Variants in PRKCI observed in about 807,000 individuals in gnomAD.
PRKCI encodes the protein protein kinase C iota type.
A neutral mutation model predicts 84.0 loss-of-function variants in PRKCI; 43 were observed. The observed-to-expected ratio is 0.51, with a 90% CI of 0.40 to 0.66. The LOEUF is 0.66. PRKCI is among the 30% of genes least tolerant of loss of function. The probability of loss-of-function intolerance (pLI) is 0.00; values close to 1 mark genes in which losing one functional copy is unlikely to be tolerated. For synonymous variants in PRKCI, 216 were observed against 234.4 expected (o/e 0.92, Z 0.72); for missense variants, 459 against 745.6 (o/e 0.62, Z 4.48).
intron 2 of PRKCI, among the ~76,000 whole-genome samples, chr3:170,255,659 T>C (rs1733567828): frequency 6.6e-6 from 1 of 152,188 alleles, no homozygotes; most frequent in Non-Finnish European, 1.5e-5. Flanking sequence ...CTTTCTCTTG[T>C]CTCATTGCTC....
intron 4 of PRKCI, 91 bp from the exon 5 acceptor site, chr3:170,267,824 A>T: frequency 1.2e-6 from 1 of 832,140 alleles, no homozygotes; most frequent in South Asian, 2.1e-5. Context: ...TCTTGCAGTG[A>T]GTATCATGAA....
Position 170,267,932 on chromosome 3 carries a change from G to A in PRKCI, c.382G>A (p.Gly128Ser). Residue 128 changes from glycine (G) to serine (S), a missense_variant, in exon 5 of 18, where the codon GGT (glycine) becomes AGT (serine). Coordinates refer to ENST00000295797, the MANE Select transcript of PRKCI (RefSeq NM_002740.6). The stretch of plus-strand genomic sequence containing the variant: ...GTCTTCAGAATCCATCTACCGTAGA[G>A]GTGCACGCCGCTGGAGAAAGCTTTA... ...PGEDKSIYRR[G>S]ARRWRKLYCA... The A allele has an allele frequency of 6.2e-7, 1 of 1,610,816 alleles. No homozygotes were observed. The highest frequency in any genetic ancestry group is 8.5e-7 in the Non-Finnish European group (1 of 1,178,276).
At chr3:170,228,896 C>G (rs1732710464) in intron 1 of PRKCI, among the ~76,000 whole-genome samples, 1 of 152,066 alleles carries the variant, frequency 6.6e-6, no homozygotes, top group Non-Finnish European at 1.5e-5. Flanking sequence ...TTTGTAGTCT[C>G]CAATGTCTAC....
At chr3:170,252,841 G>A (rs1733488978) in intron 2 of PRKCI, among the ~76,000 whole-genome samples, 1 of 151,970 alleles carries the variant, frequency 6.6e-6, no homozygotes, top group African/African-American at 2.4e-5. Context: ...TACTCATTCT[G>A]TGTGAGTATA....
At chr3:170,241,146 G>A (rs564938874) in intron 2 of PRKCI, among the ~76,000 whole-genome samples, 2 of 152,148 alleles carry the variant, frequency 1.3e-5, no homozygotes, top group East Asian at 3.9e-4. Context: ...AAAAATCAGG[G>A]TAATTAACAC....
intron 8 of PRKCI, among the ~76,000 whole-genome samples, chr3:170,279,067 A>G (rs1355605926): frequency 1.3e-5 from 2 of 152,178 alleles, no homozygotes; most frequent in Non-Finnish European, 2.9e-5. Flanking sequence ...TCACTTTGTG[A>G]TGCAGGCTGG....
At chr3:170,283,002 G>T (rs1734290299) in intron 11 of PRKCI, among the ~76,000 whole-genome samples, 1 of 151,382 alleles carries the variant, frequency 6.6e-6, no homozygotes, top group Non-Finnish European at 1.5e-5. Context: ...CTACTTGGGA[G>T]GCTGAATTAG....
chr3:170,238,486 A>G (rs979704374), intron 2 of PRKCI, among the ~76,000 whole-genome samples: 1 of 149,298 alleles, frequency 6.7e-6, no homozygotes, highest in Non-Finnish European at 1.5e-5. Context: ...TTAGTACTGC[A>G]TAGTATTACA....
rs1732516016 is a variant in PRKCI, at chr3:170,222,620, G to A, written c.-50G>A. On this transcript the variant is annotated 5_prime_UTR_variant, in exon 1 of 18. Transcript: ENST00000295797. The stretch of plus-strand genomic sequence containing the variant: ...GGCGGAGTCCCCCACGGCGCCCGAA[G>A]CGCCCCCCCGCACCCCCGGCCTCCA... The A allele has an allele frequency of 6.8e-7, 1 of 1,480,684 alleles. No homozygotes were observed. Among genetic ancestry groups the A allele is most frequent in the East Asian group, 2.8e-5 (1 of 36,004 alleles). 91.7% of individuals were successfully genotyped at this position (1,480,684 alleles called of 1,614,324 possible).
intron 2 of PRKCI, among the ~76,000 whole-genome samples, chr3:170,258,436 G>C (rs1436745110): frequency 3.3e-5 from 5 of 151,956 alleles, no homozygotes. Context: ...CTCCCGAGTA[G>C]CTGGGACTGC....
chr3:170,286,532 T>G (rs1345549305), intron 12 of PRKCI, among the ~76,000 whole-genome samples: 1 of 144,348 alleles, frequency 6.9e-6, no homozygotes, highest in Non-Finnish European at 1.5e-5. Context: ...GGTTTTAAAG[T>G]TAGAATAGCC....
intron 6 of PRKCI, 116 bp from the exon 7 acceptor site, chr3:170,273,170 T>G: frequency 1.2e-6 from 1 of 809,566 alleles, no homozygotes; most frequent in Non-Finnish European, 2.0e-6. Context: ...AATTCTCACT[T>G]AAGTTATATT....
At position 170,267,827 on chromosome 3, in the gene PRKCI, A is replaced by G. The variant is rs1733901935; in HGVS notation, c.365-88A>G. 17 of 912,734 alleles carry G rather than the reference A, an allele frequency of 1.9e-5. No homozygotes were observed. In the South Asian group the frequency reaches 3.4e-4, roughly 18 times the overall value. 56.5% of individuals were successfully genotyped at this position (912,734 alleles called of 1,614,324 possible). A position where few individuals can be genotyped will look rare whatever the true frequency, so the allele number is the denominator to read the frequency against. On this transcript the variant is annotated intron_variant, in intron 4 of 17. Transcript: ENST00000295797. ...AGTATTTTTTTTTCTTGCAGTGAGTATCATGAAAAAATTACAGACTTAATT... is the reference window on the plus strand; with the variant it reads ...AGTATTTTTTTTTCTTGCAGTGAGTGTCATGAAAAAATTACAGACTTAATT...
At chr3:170,222,973 T>C (rs1433196415) in intron 1 of PRKCI, among the ~76,000 whole-genome samples, 1 of 151,498 alleles carries the variant, frequency 6.6e-6, no homozygotes, top group East Asian at 1.9e-4. Context: ...CCCCCAGGTA[T>C]GGCGGTGCGG....
intron 1 of PRKCI, among the ~76,000 whole-genome samples, chr3:170,224,200 A>G (rs1282560065): frequency 6.6e-6 from 1 of 151,390 alleles, no homozygotes; most frequent in Non-Finnish European, 1.5e-5. Context: ...AGGACTTTTA[A>G]ATTTGCTGCC....
intron 12 of PRKCI, among the ~76,000 whole-genome samples, chr3:170,288,615 G>T (rs1211824312): frequency 2.6e-5 from 4 of 152,112 alleles, no homozygotes; most frequent in African/African-American, 9.7e-5. Flanking sequence ...CAGGTGTGGT[G>T]GCGAGTGCCT....
At chr3:170,230,562 T>C (rs1236611127) in intron 1 of PRKCI, among the ~76,000 whole-genome samples, 1 of 152,254 alleles carries the variant, frequency 6.6e-6, no homozygotes, top group African/African-American at 2.4e-5. Flanking sequence ...ACTCGTGACC[T>C]CAAGTGATTC....
At chr3:170,273,522 A>C (rs1734045769) in intron 7 of PRKCI, among the ~76,000 whole-genome samples, 182 bp downstream of exon 7, 1 of 152,208 alleles carries the variant, frequency 6.6e-6, no homozygotes. Flanking sequence ...CATTTTTAAA[A>C]GACAACTGTG....
At chr3:170,230,971 T>G (rs1308557648) in intron 1 of PRKCI, among the ~76,000 whole-genome samples, 6 of 149,696 alleles carry the variant, frequency 4.0e-5, no homozygotes, top group Admixed American at 6.6e-5. Flanking sequence ...TTGTTTTTTT[T>G]TTTTTTGAGA....
Sources: gnomAD v4.1 joint callset for allele counts (sites outside exome capture counted in the v4.1 genomes callset) on GRCh38, gnomAD v4.1.1 for gene constraint, MANE v1.5 for transcripts, NCBI Gene and HGNC (gene_info 2026-07-23, HGNC 2026-07-21) for gene names.